The following SEMA3A variants were observed in gnomAD, a reference collection of about 807,000 sequenced individuals.
SEMA3A encodes the protein semaphorin-3A.
Under a neutral mutation model 97.9 loss-of-function variants are expected in SEMA3A, and 29 were observed. The observed-to-expected ratio is 0.30, with a 90% CI of 0.22 to 0.40. SEMA3A has a LOEUF of 0.40. Ranked by LOEUF, SEMA3A falls within the 10% of genes least tolerant of loss-of-function variation. The probability of loss-of-function intolerance (pLI) is 1.00; values close to 1 mark genes in which losing one functional copy is unlikely to be tolerated. For missense variants in SEMA3A, 763 were observed against 951.3 expected (o/e 0.80, Z 2.60); for synonymous variants, 321 against 323.7 (o/e 0.99, Z 0.09).
At chr7:84,053,082 T>C (rs1300710688) in intron 5 of SEMA3A, among the ~76,000 whole-genome samples, 1 of 145,904 alleles carries the variant, frequency 6.9e-6, no homozygotes, top group Non-Finnish European at 1.5e-5. Context: ...GAGAGATAGT[T>C]TGTTATAATT....
chr7:84,405,572 C>T (rs1371412001), intron 1 of SEMA3A, among the ~76,000 whole-genome samples: 3 of 152,148 alleles, frequency 2.0e-5, no homozygotes, highest in African/African-American at 7.2e-5. Context: ...AACTCTCCAC[C>T]CCAAATCAAC....
chr7:84,314,118 A>G (rs567050031), intron 2 of SEMA3A, among the ~76,000 whole-genome samples: 2 of 152,012 alleles, frequency 1.3e-5, no homozygotes, highest in Admixed American at 1.3e-4. Flanking sequence ...TACCCTTTCT[A>G]TGTGTGTATG....
intron 1 of SEMA3A, among the ~76,000 whole-genome samples, chr7:84,419,478 G>T (rs879496689): frequency 1.3e-4 from 19 of 151,084 alleles, no homozygotes; most frequent in Non-Finnish European, 2.4e-4. Context: ...AAAGCAATGG[G>T]TATACTTCAA....
chr7:84,423,384 C>G (rs1804653097), intron 1 of SEMA3A, among the ~76,000 whole-genome samples: 1 of 152,060 alleles, frequency 6.6e-6, no homozygotes, highest in Non-Finnish European at 1.5e-5. Flanking sequence ...GGGCATATTT[C>G]TGCCTTGAGA....
intron 4 of SEMA3A, among the ~76,000 whole-genome samples, chr7:84,062,888 C>T (rs1408011307): frequency 8.6e-5 from 13 of 151,952 alleles, no homozygotes; most frequent in Admixed American, 2.0e-4. Context: ...ACAAAGCAGC[C>T]TGGAAGCTCC....
rs1478702928 is a variant in SEMA3A at position 84,212,843 on chromosome 7, ATG to A, written c.-82-18177_-82-18176del. Among the ~76,000 whole-genome samples the A allele has an allele frequency of 7.9e-5, 12 of 152,290 alleles. No individual in the cohort carries two copies. The East Asian group carries it at 2.1e-3, about 27-fold the overall frequency. The stretch of plus-strand genomic sequence containing the variant: ...CTTAATTGTTTATACATATCTGCAT[ATG>A]TGTGTTTATCAAAATCATTATCAAG... On this transcript the variant is annotated intron_variant, in intron 3 of 3. Coordinates refer to the SEMA3A transcript ENST00000424555.
chr7:84,172,533 T>C (rs1359045431), intron 1 of SEMA3A, among the ~76,000 whole-genome samples: 1 of 152,162 alleles, frequency 6.6e-6, no homozygotes, highest in Non-Finnish European at 1.5e-5. Context: ...GCCATTCTCC[T>C]GCCTCAGCCT....
At chr7:84,049,372 G>A (rs955656764) in intron 5 of SEMA3A, among the ~76,000 whole-genome samples, 4 of 152,022 alleles carry the variant, frequency 2.6e-5, no homozygotes, top group African/African-American at 9.7e-5. Context: ...GTTCTATGGG[G>A]AGTCTTATCA....
chr7:84,253,893 G>A (rs1799662575), intron 3 of SEMA3A, among the ~76,000 whole-genome samples: 2 of 152,186 alleles, frequency 1.3e-5, no homozygotes, highest in African/African-American at 2.4e-5. Context: ...GTGGAAGCAC[G>A]GAGATGCTAG....
At chr7:84,215,832 T>G (rs1333326315) in intron 3 of SEMA3A, among the ~76,000 whole-genome samples, 1 of 152,170 alleles carries the variant, frequency 6.6e-6, no homozygotes, top group East Asian at 1.9e-4. Context: ...ACAAATATTA[T>G]TTTTCTAGGT....
In SEMA3A at chr7:84,260,235, T is replaced by C. The variant is rs183192660; in HGVS notation, c.-83+46972A>G. 8.5e-5 allele frequency among the ~76,000 whole-genome samples: 13 copies of C among 152,318 alleles called. 1 individual carries two copies. The highest frequency in any genetic ancestry group is 5.8e-4 in the East Asian group (3 of 5,182). On this transcript the variant is annotated intron_variant, in intron 3 of 3. Transcript: ENST00000424555. ...TACTCTCTCCATAATACTAGGTCAC[T>C]TTATGTCAAATAAATAATGTGTACT... is the stretch of plus-strand genomic sequence containing the variant.
intron 4 of SEMA3A, among the ~76,000 whole-genome samples, chr7:84,089,684 T>C (rs1297727437): frequency 6.6e-6 from 1 of 152,046 alleles, no homozygotes; most frequent in South Asian, 2.1e-4. Flanking sequence ...CTTTTATAAA[T>C]TGATTGCTTT....
chr7:84,467,395 A>G (rs997598960), intron 1 of SEMA3A, among the ~76,000 whole-genome samples: 1 of 151,676 alleles, frequency 6.6e-6, no homozygotes, highest in Non-Finnish European at 1.5e-5. Flanking sequence ...GTTGGTGCAC[A>G]CCTGTAGTCT....
At chr7:84,452,685 T>C (rs1437946659) in intron 1 of SEMA3A, among the ~76,000 whole-genome samples, 1 of 152,194 alleles carries the variant, frequency 6.6e-6, no homozygotes, top group African/African-American at 2.4e-5. Flanking sequence ...AGGACAACTA[T>C]GTATTTTGCC....
chr7:84,128,120 T>C (rs1386712078), intron 3 of SEMA3A, among the ~76,000 whole-genome samples: 3 of 152,180 alleles, frequency 2.0e-5, no homozygotes, highest in South Asian at 2.1e-4. Context: ...AAATGGCCTC[T>C]ATCTTTTTAC....
chr7:84,094,163 T>C (rs541771629), intron 4 of SEMA3A, among the ~76,000 whole-genome samples: 2 of 152,036 alleles, frequency 1.3e-5, no homozygotes, highest in Non-Finnish European at 2.9e-5. Flanking sequence ...GATTGTTATT[T>C]CACGAAAAGG....
intron 3 of SEMA3A, among the ~76,000 whole-genome samples, chr7:84,227,913 G>A (rs112947981): frequency 1.1e-3 from 161 of 151,870 alleles, no homozygotes; most frequent in African/African-American, 3.6e-3. Flanking sequence ...GTGTGCGTGC[G>A]TGTGTGTGTC....
In SEMA3A at chr7:84,070,293, T is replaced by C. The variant is rs568734053; in HGVS notation, c.454-9735A>G. 2.6e-5 allele frequency among the ~76,000 whole-genome samples: 4 copies of C among 152,268 alleles called. 1 individual carries two copies. The South Asian group carries it at 8.3e-4, about 32-fold the overall frequency. On this transcript the variant is annotated intron_variant, in intron 4 of 16. Coordinates refer to ENST00000265362, the MANE Select transcript of SEMA3A (RefSeq NM_006080.3). ...AGCTTTCAAGACCACTCTCTCCCCT[T>C]TGTCTTTTGGATTTCCTGAATGTTA... is the stretch of plus-strand genomic sequence containing the variant.
At chr7:84,177,254 T>A (rs988808393) in intron 1 of SEMA3A, among the ~76,000 whole-genome samples, 1 of 152,244 alleles carries the variant, frequency 6.6e-6, no homozygotes, top group Admixed American at 6.5e-5. Context: ...AAGTTTATTT[T>A]GATTTATCAA....
Sources: gnomAD v4.1 joint callset for allele counts (sites outside exome capture counted in the v4.1 genomes callset) on GRCh38, gnomAD v4.1.1 for gene constraint, MANE v1.5 for transcripts, NCBI Gene and HGNC (gene_info 2026-07-23, HGNC 2026-07-21) for gene names.